Variants in KIF15 observed in about 807,000 individuals in gnomAD.
The protein encoded by KIF15 is kinesin-like protein KIF15.
KIF15 carries 140 observed loss-of-function variants against 190.6 expected under a neutral mutation model. The ratio of observed to expected loss-of-function variants is 0.73; its 90% CI spans 0.64 to 0.84. The LOEUF is 0.84. KIF15 is among the 40% of genes least tolerant of loss of function. The pLI, the probability that KIF15 is intolerant of heterozygous loss-of-function variation, is 0.00. For synonymous variants in KIF15, 528 were observed against 551.3 expected (o/e 0.96, Z 0.59); for missense variants, 1,372 against 1,584.4 (o/e 0.87, Z 2.28).
chr3:44,774,541 T>G (rs1705787763), intron 2 of KIF15, 104 bp downstream of exon 2: 1 of 999,970 alleles, frequency 1.0e-6, no homozygotes, highest in Non-Finnish European at 1.5e-6. Context: ...AAAATTTAAC[T>G]TAGTCCTCAA....
Position 44,781,477 on chromosome 3 carries a change from CATT to C in KIF15, c.361+556_361+558del, listed in dbSNP as rs1175375891. On this transcript the variant is annotated intron_variant, in intron 5 of 34. Transcript: ENST00000326047. ...CATTTTCCAGTCTACTGTTGATAGACATTTGGATTATTTCAACTTTTCAACCAT... is the reference window on the plus strand; with the variant it reads ...CATTTTCCAGTCTACTGTTGATAGACTGGATTATTTCAACTTTTCAACCAT... 2.6e-5 allele frequency among the ~76,000 whole-genome samples: 4 copies of C among 152,260 alleles called. No homozygotes were observed. In the East Asian group the frequency reaches 7.7e-4, roughly 29 times the overall value.
At chr3:44,767,307 C>G (rs1036510698) in intron 1 of KIF15, among the ~76,000 whole-genome samples, 9 of 152,180 alleles carry the variant, frequency 5.9e-5, no homozygotes, top group African/African-American at 1.7e-4. Context: ...ATATTGCTGG[C>G]TTGGTTCTAC....
chr3:44,843,922 C>T (rs1321350007), intron 30 of KIF15, among the ~76,000 whole-genome samples: 1 of 152,030 alleles, frequency 6.6e-6, no homozygotes, highest in East Asian at 1.9e-4. Context: ...GTATAAAGTG[C>T]CAGTTACAGT....
rs371235907 is a variant in KIF15, at chr3:44,840,427, G to T, written c.3391G>T (p.Val1131Leu). ...YNFKMRQLEH[V>L]MDSAAEDPQS... Reference sequence around the variant, plus strand: ...CTTCAAAATGAGGCAACTAGAACATGTGATGGATTCTGCTGCTGAGGATCC... The same window carrying T: ...CTTCAAAATGAGGCAACTAGAACATTTGATGGATTCTGCTGCTGAGGATCC... Residue 1131 changes from valine (V) to leucine (L), a missense_variant, in exon 28 of 35, where the codon GTG becomes TTG. By Grantham distance (32) the Val-to-Leu change is conservative. Coordinates refer to ENST00000326047, the MANE Select transcript of KIF15 (RefSeq NM_020242.3). The T allele has an allele frequency of 8.1e-6, 13 of 1,608,776 alleles. No homozygotes were observed. The highest frequency in any genetic ancestry group is 1.1e-5 in the Non-Finnish European group (13 of 1,176,904).
At chr3:44,790,610 T>C (rs1443001480) in intron 7 of KIF15, among the ~76,000 whole-genome samples, 2 of 152,080 alleles carry the variant, frequency 1.3e-5, no homozygotes, top group Non-Finnish European at 2.9e-5. Context: ...TTTACAAATC[T>C]GTTTTGTCTG....
At chr3:44,800,610 T>C (rs1186618534) in intron 11 of KIF15, among the ~76,000 whole-genome samples, 173 bp downstream of exon 11, 3 of 152,214 alleles carry the variant, frequency 2.0e-5, no homozygotes, top group Non-Finnish European at 4.4e-5. Flanking sequence ...CAGATACAGA[T>C]ACCATAGGCA....
At chr3:44,815,280 ATC>A (rs746109720) in intron 20 of KIF15, among the ~76,000 whole-genome samples, 76 of 152,288 alleles carry the variant, frequency 5.0e-4, no homozygotes, top group Non-Finnish European at 8.4e-4. Flanking sequence ...TCAGTGTTCT[ATC>A]TCTCTCAGCT....
At chr3:44,784,611 G>A (rs1488828932) in intron 5 of KIF15, among the ~76,000 whole-genome samples, 1 of 152,198 alleles carries the variant, frequency 6.6e-6, no homozygotes. Context: ...GCACAGGTCA[G>A]TCTATGAGAC....
chr3:44,796,249 C>T (rs767197320), intron 8 of KIF15, among the ~76,000 whole-genome samples: 59 of 152,248 alleles, frequency 3.9e-4, no homozygotes, highest in African/African-American at 9.4e-4. Context: ...AATCCTAGCA[C>T]CTGGGAGGCT....
At chr3:44,820,055 C>CT (rs1005216796) in intron 20 of KIF15, among the ~76,000 whole-genome samples, 31 of 152,272 alleles carry the variant, frequency 2.0e-4, no homozygotes, top group African/African-American at 7.5e-4. Context: ...TTATCAGAGA[C>CT]TAGGATTGCA....
chr3:44,763,533 C>T (rs191114457), intron 1 of KIF15, among the ~76,000 whole-genome samples: 195 of 152,110 alleles, frequency 1.3e-3, no homozygotes, highest in African/African-American at 4.5e-3. Flanking sequence ...ATCTCCTGAC[C>T]TCGTGATTTG....
intron 30 of KIF15, among the ~76,000 whole-genome samples, chr3:44,847,300 G>A (rs1698890772): frequency 1.3e-5 from 2 of 152,144 alleles, no homozygotes; most frequent in African/African-American, 4.8e-5. Flanking sequence ...AAGGAGGGAG[G>A]GAGGGATGTC....
intron 24 of KIF15, among the ~76,000 whole-genome samples, chr3:44,829,530 A>ATATTATATATGTATATATTATATATGTAT (rs1402767626): frequency 8.0e-5 from 8 of 100,348 alleles, no homozygotes; most frequent in Non-Finnish European, 1.4e-4. Flanking sequence ...ATATGTATAT[A>ATATTATATATGTATATATTATATATGTAT]ATATGTATAT....
chr3:44,816,156 C>A (rs973471641), intron 20 of KIF15, among the ~76,000 whole-genome samples: 3 of 152,002 alleles, frequency 2.0e-5, no homozygotes, highest in African/African-American at 7.3e-5. Context: ...CCTTTCCTTG[C>A]CATATCTCTA....
intron 11 of KIF15, among the ~76,000 whole-genome samples, chr3:44,801,219 G>C (rs982742172): frequency 5.3e-5 from 8 of 149,992 alleles, no homozygotes; most frequent in Non-Finnish European, 1.0e-4. Flanking sequence ...GGGAGGGGGG[G>C]GTCTCACCAT....
chr3:44,788,240 T>A (rs149926837), intron 7 of KIF15, among the ~76,000 whole-genome samples: 33 of 152,390 alleles, frequency 2.2e-4, no homozygotes, highest in Non-Finnish European at 4.3e-4. Context: ...ATCAGCCACC[T>A]TGCTGTCTTA....
intron 5 of KIF15, among the ~76,000 whole-genome samples, chr3:44,781,673 G>C (rs1706168593): frequency 6.6e-6 from 1 of 152,158 alleles, no homozygotes; most frequent in African/African-American, 2.4e-5. Flanking sequence ...GGAAGTTCCA[G>C]TTGCTCCACT....
At position 44,801,847 on chromosome 3, in the gene KIF15, A is replaced by G; in HGVS notation, c.1382A>G (p.Lys461Arg). ...ATTCAATCTAATAAAATGATTGTGA[A>G]ATTCCGAGAGGATCAAATAATACGC... ...KFIQSNKMIV[K>R]FREDQIIRLE... The change falls in exon 13 of 35, where the codon AAA (lysine) becomes AGA (arginine). Residue 461 changes from lysine (K) to arginine (R), a missense_variant. Physicochemically the swap from Lys to Arg is conservative, Grantham distance 26. Coordinates refer to ENST00000326047, the MANE Select transcript of KIF15 (RefSeq NM_020242.3). The G allele has an allele frequency of 6.2e-7, 1 of 1,612,256 alleles. No homozygotes were observed. Among genetic ancestry groups the G allele is most frequent in the Non-Finnish European group, 8.5e-7 (1 of 1,178,534 alleles).
intron 21 of KIF15, 46 bp from the exon 22 acceptor site, chr3:44,826,329 A>G (rs1056192961): frequency 1.8e-5 from 28 of 1,575,432 alleles, no homozygotes; most frequent in Non-Finnish European, 2.4e-5. Flanking sequence ...TTCGTTGACT[A>G]TGCATTGCTA....
Sources: gnomAD v4.1 joint callset for allele counts (sites outside exome capture counted in the v4.1 genomes callset) on GRCh38, gnomAD v4.1.1 for gene constraint, MANE v1.5 for transcripts, NCBI Gene and HGNC (gene_info 2026-07-23, HGNC 2026-07-21) for gene names.